The following CSMD3 variants were observed in gnomAD, a reference collection of about 807,000 sequenced individuals.
CSMD3 encodes the protein CUB and sushi domain-containing protein 3.
CSMD3 carries 177 observed loss-of-function variants against 435.2 expected under a neutral mutation model. The observed-to-expected ratio is 0.41, with a 90% CI of 0.36 to 0.46. CSMD3 has a LOEUF of 0.46. Ranked by LOEUF, CSMD3 falls within the 20% of genes least tolerant of loss-of-function variation. The pLI, the probability that CSMD3 is intolerant of heterozygous loss-of-function variation, is 0.34. For synonymous variants in CSMD3, 1,656 were observed against 1,520.5 expected, an observed-to-expected ratio of 1.09 and a Z score of -2.07; for missense variants, 4,265 against 4,504.6, an observed-to-expected ratio of 0.95 and a Z score of 1.52.
At chr8:112,760,471 A>G (rs1232215139) in intron 13 of CSMD3, among the ~76,000 whole-genome samples, 1 of 152,204 alleles carries the variant, frequency 6.6e-6, no homozygotes, top group Non-Finnish European at 1.5e-5. Flanking sequence ...TGACTGTTAA[A>G]TTATCAATAA....
intron 5 of CSMD3, among the ~76,000 whole-genome samples, chr8:113,020,235 G>A (rs1025489201): frequency 6.6e-6 from 1 of 150,384 alleles, no homozygotes; most frequent in Non-Finnish European, 1.5e-5. Context: ...ATCCAATGGA[G>A]AGGCAGAAAA....
At chr8:112,562,467 T>A (rs1169847470) in intron 24 of CSMD3, among the ~76,000 whole-genome samples, 1 of 151,546 alleles carries the variant, frequency 6.6e-6, no homozygotes, top group African/African-American at 2.4e-5. Flanking sequence ...GTTAGTTTCA[T>A]GTGCTAATAG....
chr8:113,058,207 TTATAATC>T (rs1395439526), intron 5 of CSMD3, among the ~76,000 whole-genome samples: 1 of 151,996 alleles, frequency 6.6e-6, no homozygotes, highest in Non-Finnish European at 1.5e-5. Context: ...CTTTTGAGAA[TTATAATC>T]TAACTTTATT....
chr8:112,633,268 T>C (rs2074566828), intron 22 of CSMD3, among the ~76,000 whole-genome samples: 1 of 151,234 alleles, frequency 6.6e-6, no homozygotes, highest in South Asian at 2.1e-4. Flanking sequence ...TGAAGCCATG[T>C]ATCAACTATA....
At chr8:113,276,682 T>C (rs954888913) in intron 3 of CSMD3, among the ~76,000 whole-genome samples, 1 of 152,090 alleles carries the variant, frequency 6.6e-6, no homozygotes, top group Non-Finnish European at 1.5e-5. Context: ...ACCAGGACTT[T>C]TAACTTATAA....
intron 16 of CSMD3, among the ~76,000 whole-genome samples, chr8:112,676,666 C>T (rs1226147745): frequency 1.3e-5 from 2 of 152,076 alleles, no homozygotes; most frequent in African/African-American, 4.8e-5. Flanking sequence ...ATTTTAAAGG[C>T]ATTCACCAAT....
At chr8:112,779,275 T>C (rs1261480587) in intron 13 of CSMD3, among the ~76,000 whole-genome samples, 6 of 151,932 alleles carry the variant, frequency 3.9e-5, no homozygotes, top group Non-Finnish European at 7.4e-5. Flanking sequence ...TGGCAAACTA[T>C]ATTATTATTT....
At chr8:112,338,619 C>T (rs760379239) in intron 42 of CSMD3, among the ~76,000 whole-genome samples, 1 of 151,696 alleles carries the variant, frequency 6.6e-6, no homozygotes, top group African/African-American at 2.4e-5. Flanking sequence ...AAATCACATT[C>T]GAAGTTAAAT....
intron 2 of CSMD3, among the ~76,000 whole-genome samples, chr8:113,288,931 T>C (rs576140889): frequency 1.7e-4 from 26 of 151,928 alleles, no homozygotes; most frequent in South Asian, 1.4e-3. Flanking sequence ...TGCTGACATA[T>C]GCTGAATATG....
chr8:112,506,928 C>T (rs905845226), intron 28 of CSMD3, 99 bp from the exon 29 acceptor site: 36 of 1,052,910 alleles, frequency 3.4e-5, no homozygotes, highest in Non-Finnish European at 4.9e-5. Flanking sequence ...GCTTATGAGG[C>T]TTTGTACAGA....
intron 1 of CSMD3, among the ~76,000 whole-genome samples, chr8:113,417,683 G>A (rs1219829160): frequency 6.6e-6 from 1 of 151,878 alleles, no homozygotes; most frequent in Non-Finnish European, 1.5e-5. Flanking sequence ...CTTTTTGAAA[G>A]TAAGAGACCT....
At chr8:113,358,132 A>G (rs1240844929) in intron 1 of CSMD3, among the ~76,000 whole-genome samples, 3 of 152,178 alleles carry the variant, frequency 2.0e-5, no homozygotes, top group Admixed American at 6.5e-5. Context: ...TAATATTGTA[A>G]TGTGTTTATT....
chr8:112,959,202 A>G (rs1377372796), intron 7 of CSMD3, among the ~76,000 whole-genome samples: 1 of 152,080 alleles, frequency 6.6e-6, no homozygotes, highest in Non-Finnish European at 1.5e-5. Flanking sequence ...ACATTGTTTT[A>G]ATTAGAAATA....
At chr8:113,367,210 G>A (rs2094317964) in intron 1 of CSMD3, among the ~76,000 whole-genome samples, 1 of 151,594 alleles carries the variant, frequency 6.6e-6, no homozygotes, top group South Asian at 2.1e-4. Context: ...ACATATTCCT[G>A]TTTAGAAACA....
At chr8:112,550,446 G>T (rs1040257967) in intron 27 of CSMD3, among the ~76,000 whole-genome samples, 2 of 151,504 alleles carry the variant, frequency 1.3e-5, no homozygotes, top group Admixed American at 6.6e-5. Context: ...AAGAATAAAT[G>T]ATTTTACAGG....
chr8:112,870,042 A>G (rs755673581), intron 10 of CSMD3, among the ~76,000 whole-genome samples: 1 of 152,182 alleles, frequency 6.6e-6, no homozygotes, highest in Non-Finnish European at 1.5e-5. Context: ...GAACTTAAAA[A>G]TTTTAAAAAT....
At chr8:112,628,496 A>G in intron 22 of CSMD3, among the ~76,000 whole-genome samples, 1 of 152,124 alleles carries the variant, frequency 6.6e-6, no homozygotes, top group East Asian at 1.9e-4. Flanking sequence ...CAACAGTGTG[A>G]CAGCTGAGGT....
intron 3 of CSMD3, among the ~76,000 whole-genome samples, chr8:113,234,459 T>G (rs1488660833): frequency 6.6e-6 from 1 of 152,118 alleles, no homozygotes; most frequent in East Asian, 1.9e-4. Flanking sequence ...GAAAGGAAGC[T>G]AAGTGCCAGT....
At chr8:113,087,895 TA>T (rs2089857162) in intron 5 of CSMD3, among the ~76,000 whole-genome samples, 3 of 150,756 alleles carry the variant, frequency 2.0e-5, no homozygotes, top group Non-Finnish European at 4.4e-5. Flanking sequence ...GCACAGCAAA[TA>T]AAAACTACCA....
Sources: allele counts gnomAD v4.1 joint callset (sites outside exome capture counted in the v4.1 genomes callset), GRCh38; gene constraint gnomAD v4.1.1; transcripts MANE v1.5; gene names NCBI Gene and HGNC (gene_info 2026-07-23, HGNC 2026-07-21).